The following AFG2A variants were observed in gnomAD, a reference collection of about 807,000 sequenced individuals.
AFG2A encodes AAA ATPase AFG2A.
At chr4:123,317,773 A>T in the AFG2A span, 7 of 152,246 alleles carry the variant, frequency 4.6e-5, no homozygotes, top group Admixed American at 4.6e-4. Flanking sequence ...AGAGCTACAT[A>T]TGAAATAGGG....
chr4:122,927,453 C>G, the AFG2A span, among the ~76,000 whole-genome samples: 1 of 152,188 alleles, frequency 6.6e-6, no homozygotes, highest in Non-Finnish European at 1.5e-5. Context: ...AGTAGACCCT[C>G]AAAAGCATTT....
chr4:123,087,935 A>G, the AFG2A span, among the ~76,000 whole-genome samples: 1 of 152,278 alleles, frequency 6.6e-6, no homozygotes, highest in South Asian at 2.1e-4. Flanking sequence ...AAATTGGAAC[A>G]ATGCTGTCCT....
At chr4:123,129,922 C>T in the AFG2A span, among the ~76,000 whole-genome samples, 4 of 151,738 alleles carry the variant, frequency 2.6e-5, no homozygotes, top group Non-Finnish European at 5.9e-5. Flanking sequence ...ATTCTATTAC[C>T]ATCCTTGATC....
At chr4:122,938,155 TG>T in the AFG2A span, 7 of 1,609,438 alleles carry the variant, frequency 4.3e-6, no homozygotes, top group Non-Finnish European at 5.9e-6. Context: ...ATTGATGAGC[TG>T]GATGCACTTT....
At chr4:123,057,687 A>G in the AFG2A span, among the ~76,000 whole-genome samples, 1 of 152,198 alleles carries the variant, frequency 6.6e-6, no homozygotes, top group African/African-American at 2.4e-5. Flanking sequence ...AGATTTTAAA[A>G]TTCTCTGGAA....
chr4:123,120,539 G>T, the AFG2A span, among the ~76,000 whole-genome samples: 2 of 152,132 alleles, frequency 1.3e-5, no homozygotes. Flanking sequence ...GTGAGTGAGG[G>T]TTGTTACTGC....
chr4:123,180,692 G>C, the AFG2A span, among the ~76,000 whole-genome samples: 6 of 152,154 alleles, frequency 3.9e-5, no homozygotes, highest in African/African-American at 1.4e-4. Flanking sequence ...AAACATTTCA[G>C]TATTTTGAAA....
chr4:123,171,729 T>C, the AFG2A span, among the ~76,000 whole-genome samples: 1 of 152,170 alleles, frequency 6.6e-6, no homozygotes, highest in Non-Finnish European at 1.5e-5. Flanking sequence ...AATATTTAAA[T>C]TGAATTTAAA....
At chr4:123,120,335 G>A in the AFG2A span, among the ~76,000 whole-genome samples, 22,261 of 151,896 alleles carry the variant, frequency 0.15, 2,095 homozygotes, top group East Asian at 0.45. Flanking sequence ...TAACTTCTCA[G>A]AGAAACTCTT....
the AFG2A span, among the ~76,000 whole-genome samples, chr4:123,144,029 A>G: frequency 1.3e-5 from 2 of 152,130 alleles, no homozygotes; most frequent in African/African-American, 4.8e-5. Flanking sequence ...GTTTAGTACT[A>G]GGAAGTATTT....
At chr4:123,172,464 G>A in the AFG2A span, among the ~76,000 whole-genome samples, 1 of 152,104 alleles carries the variant, frequency 6.6e-6, no homozygotes, top group Non-Finnish European at 1.5e-5. Flanking sequence ...CCCTAATAAC[G>A]TTTTACATCT....
At chr4:123,217,341 T>C in the AFG2A span, among the ~76,000 whole-genome samples, 3 of 152,114 alleles carry the variant, frequency 2.0e-5, no homozygotes, top group African/African-American at 7.2e-5. Context: ...GAAACCAAGA[T>C]GTTGACAGAG....
At chr4:123,191,796 A>G in the AFG2A span, among the ~76,000 whole-genome samples, 1 of 152,002 alleles carries the variant, frequency 6.6e-6, no homozygotes, top group Non-Finnish European at 1.5e-5. Flanking sequence ...TTTCCTACTA[A>G]TTTGTAGTTC....
At chr4:123,099,897 G>A in the AFG2A span, among the ~76,000 whole-genome samples, 6 of 151,580 alleles carry the variant, frequency 4.0e-5, no homozygotes, top group Non-Finnish European at 7.4e-5. Context: ...GCAACATTGG[G>A]ATTTTCAGGC....
chr4:123,087,612 T>C, the AFG2A span, among the ~76,000 whole-genome samples: 29 of 152,208 alleles, frequency 1.9e-4, no homozygotes, highest in African/African-American at 6.5e-4. Context: ...AACTCACAAA[T>C]GTGTGAGGGA....
chr4:123,050,738 T>C, the AFG2A span, among the ~76,000 whole-genome samples: 1 of 151,236 alleles, frequency 6.6e-6, no homozygotes, highest in African/African-American at 2.4e-5. Context: ...TATAGTTGTG[T>C]CTTTTTTTTT....
At chr4:123,087,356 C>T in the AFG2A span, among the ~76,000 whole-genome samples, 1,536 of 152,196 alleles carry the variant, frequency 0.01, 37 homozygotes, top group African/African-American at 0.035. Flanking sequence ...TTTTCATTCT[C>T]CCATGGGAAA....
the AFG2A span, among the ~76,000 whole-genome samples, chr4:123,058,334 G>A: frequency 6.6e-5 from 10 of 152,178 alleles, no homozygotes; most frequent in South Asian, 2.1e-4. Flanking sequence ...TTATAAAACC[G>A]TCAGATCGGG....
At chr4:123,172,859 A>G in the AFG2A span, among the ~76,000 whole-genome samples, 1 of 152,168 alleles carries the variant, frequency 6.6e-6, no homozygotes, top group African/African-American at 2.4e-5. Context: ...TCTAAGCTTA[A>G]AATTTGGGAC....
Sources: allele counts gnomAD v4.1 joint callset (sites outside exome capture counted in the v4.1 genomes callset), GRCh38; gene constraint gnomAD v4.1.1; transcripts MANE v1.5; gene names NCBI Gene and HGNC (gene_info 2026-07-23, HGNC 2026-07-21).